Variants in NKAIN1 observed in about 807,000 individuals in gnomAD.
NKAIN1 encodes the protein sodium/potassium transporting ATPase interacting 1.
Under a neutral mutation model 31.6 loss-of-function variants are expected in NKAIN1, and 13 were observed. That is an observed-to-expected ratio of 0.41 (90% CI 0.27 to 0.65). The LOEUF is 0.65. Among genes scored for constraint, NKAIN1 ranks in the 30% least tolerant of loss-of-function variants. NKAIN1 has a pLI of 0.30. For missense variants in NKAIN1, 193 were observed against 262.2 expected (o/e 0.74, Z 1.82); for synonymous variants, 104 against 109.0 (o/e 0.95, Z 0.28).
intron 1 of NKAIN1, among the ~76,000 whole-genome samples, chr1:31,196,143 C>T (rs1343540016): frequency 6.6e-6 from 1 of 152,010 alleles, no homozygotes; most frequent in Non-Finnish European, 1.5e-5. Context: ...CTTTGGGAGA[C>T]CGAGGTGGGT....
intron 1 of NKAIN1, among the ~76,000 whole-genome samples, chr1:31,232,691 T>C (rs1244438337): frequency 6.6e-6 from 1 of 151,424 alleles, no homozygotes; most frequent in Non-Finnish European, 1.5e-5. Flanking sequence ...TCCTACCACA[T>C]AGAATAAAAA....
chr1:31,232,103 T>C (rs1353370875), intron 1 of NKAIN1, among the ~76,000 whole-genome samples: 3 of 149,798 alleles, frequency 2.0e-5, no homozygotes, highest in African/African-American at 4.9e-5. Flanking sequence ...TTGTTTTTCT[T>C]TTTTTGAGAC....
intron 1 of NKAIN1, among the ~76,000 whole-genome samples, chr1:31,221,582 C>T (rs577798009): frequency 5.3e-5 from 8 of 151,952 alleles, no homozygotes; most frequent in Non-Finnish European, 7.4e-5. Flanking sequence ...ACTACAGGCA[C>T]GCGCCACCAA....
chr1:31,216,184 G>A (rs1267807162), intron 1 of NKAIN1, among the ~76,000 whole-genome samples: 1 of 151,900 alleles, frequency 6.6e-6, no homozygotes, highest in African/African-American at 2.4e-5. Context: ...ATCATTTCCT[G>A]GCCCTGGGCC....
chr1:31,218,887 G>C (rs1245977254), intron 1 of NKAIN1, among the ~76,000 whole-genome samples: 1 of 152,194 alleles, frequency 6.6e-6, no homozygotes, highest in Non-Finnish European at 1.5e-5. Context: ...GCCTGGGGAC[G>C]GCAGTGCGCT....
intron 1 of NKAIN1, among the ~76,000 whole-genome samples, chr1:31,219,655 T>G (rs949924620): frequency 3.3e-5 from 5 of 152,246 alleles, no homozygotes; most frequent in Non-Finnish European, 7.3e-5. Context: ...GTGTCTGTTG[T>G]GAGCAAACTC....
chr1:31,204,186 T>C (rs1248276083), intron 1 of NKAIN1, among the ~76,000 whole-genome samples: 1 of 151,958 alleles, frequency 6.6e-6, no homozygotes, highest in African/African-American at 2.4e-5. Context: ...GGGGAAGAGA[T>C]GTGGCTGGAC....
At chr1:31,234,994 A>G (rs1161806580) in intron 1 of NKAIN1, among the ~76,000 whole-genome samples, 1 of 152,210 alleles carries the variant, frequency 6.6e-6, no homozygotes, top group Non-Finnish European at 1.5e-5. Flanking sequence ...TGGAATTGCA[A>G]TAAGAAGGAT....
intron 1 of NKAIN1, among the ~76,000 whole-genome samples, chr1:31,203,425 C>T (rs973437389): frequency 4.0e-5 from 6 of 148,376 alleles, no homozygotes; most frequent in Middle Eastern, 7.1e-3. Context: ...ACGTTTGAAA[C>T]GGCGCTGCAG....
chr1:31,217,177 G>A (rs1645520047), intron 1 of NKAIN1, among the ~76,000 whole-genome samples: 1 of 151,614 alleles, frequency 6.6e-6, no homozygotes, highest in Non-Finnish European at 1.5e-5. Context: ...TTGACTTTTT[G>A]TTTTAGAGAC....
At chr1:31,219,892 A>G (rs780876376) in intron 1 of NKAIN1, among the ~76,000 whole-genome samples, 1 of 152,108 alleles carries the variant, frequency 6.6e-6, no homozygotes, top group Non-Finnish European at 1.5e-5. Context: ...GCAGAGTTGT[A>G]TGAAGGAGCA....
intron 1 of NKAIN1, 40 bp from the exon 2 acceptor site, chr1:31,188,227 A>G: frequency 6.5e-7 from 1 of 1,545,614 alleles, no homozygotes; most frequent in Non-Finnish European, 8.7e-7. Flanking sequence ...CACCCCCCTG[A>G]AAGGGAAGGA....
At chr1:31,216,696 T>TATTTATC (rs1557659459) in intron 1 of NKAIN1, among the ~76,000 whole-genome samples, 3,278 of 46,534 alleles carry the variant, frequency 0.07, 133 homozygotes, top group African/African-American at 0.27. Context: ...TGACTTTTAT[T>TATTTATC]TATTTATTTA....
chr1:31,186,111 C>T (rs937158506), intron 2 of NKAIN1, among the ~76,000 whole-genome samples: 5 of 151,382 alleles, frequency 3.3e-5, no homozygotes, highest in Non-Finnish European at 1.5e-5. Flanking sequence ...GCTTGTAATC[C>T]CAGCACTTTG....
chr1:31,190,102 G>A (rs566272354), intron 1 of NKAIN1, among the ~76,000 whole-genome samples: 2 of 152,318 alleles, frequency 1.3e-5, no homozygotes, highest in South Asian at 2.1e-4. Context: ...GAGAGAAGAG[G>A]GTCTGGCTGG....
At chr1:31,193,855 G>A (rs1645304441) in intron 1 of NKAIN1, 1 of 152,178 alleles carries the variant, frequency 6.6e-6, no homozygotes, top group South Asian at 2.1e-4. Flanking sequence ...TGAGGGCTGT[G>A]GTGATTGTAA....
At position 31,182,565 on chromosome 1, in the gene NKAIN1, T is replaced by C. The variant is rs1265633124; in HGVS notation, c.497A>G (p.Tyr166Cys). 2 of 1,614,048 alleles carry C rather than the reference T, an allele frequency of 1.2e-6. No individual in the cohort carries two copies. Among genetic ancestry groups the C allele is most frequent in the Admixed American group, 1.7e-5 (1 of 60,010 alleles). ...CTCCTCCAGGAACACTTTGCTCACG[T>C]AGCAGGCGAACACGAAGCCGAACAG... The part of the protein sequence containing the change: ...LALFGFVFAC[Y>C]VSKVFLEEED... Residue 166 changes from tyrosine (Y) to cysteine (C), a missense_variant, in exon 5 of 7, where the codon TAC becomes TGC. Coordinates refer to ENST00000373736, the MANE Select transcript of NKAIN1 (RefSeq NM_024522.3).
chr1:31,234,049 C>A (rs1320546974), intron 1 of NKAIN1, among the ~76,000 whole-genome samples: 1 of 152,254 alleles, frequency 6.6e-6, no homozygotes, highest in Non-Finnish European at 1.5e-5. Context: ...GGGCCATCCC[C>A]AGGTCCCCTG....
chr1:31,216,201 G>T (rs76928715), intron 1 of NKAIN1, among the ~76,000 whole-genome samples: 1 of 151,966 alleles, frequency 6.6e-6, no homozygotes, highest in East Asian at 1.9e-4. Flanking sequence ...GGCCAGAGGC[G>T]GCTGGTTGGA....
Sources: gnomAD v4.1 joint callset for allele counts (sites outside exome capture counted in the v4.1 genomes callset) on GRCh38, gnomAD v4.1.1 for gene constraint, MANE v1.5 for transcripts, NCBI Gene and HGNC (gene_info 2026-07-23, HGNC 2026-07-21) for gene names.